EVA1A: variants seen among roughly 807,000 people sequenced by gnomAD.
EVA1A encodes protein eva-1 homolog A.
In EVA1A, 7 loss-of-function variants were observed where a neutral mutation model predicts 9.8. The observed-to-expected ratio is 0.71, with a 90% CI of 0.41 to 1.34. The LOEUF is 1.34. Among genes scored for constraint, EVA1A ranks in the 40% most tolerant of loss-of-function variants. The pLI, the probability that EVA1A is intolerant of heterozygous loss-of-function variation, is 0.01. For synonymous variants in EVA1A, 90 were observed against 85.6 expected, an observed-to-expected ratio of 1.05 and a Z score of -0.28; for missense variants, 206 against 205.9, an observed-to-expected ratio of 1.00 and a Z score of 0.00.
chr2:75,527,457 A>G (rs1346317970), intron 1 of EVA1A, among the ~76,000 whole-genome samples: 1 of 152,194 alleles, frequency 6.6e-6, no homozygotes, highest in Admixed American at 6.5e-5. Flanking sequence ...GAGGCAGCCT[A>G]GTCAGGACTC....
At chr2:75,548,561 T>G (rs1676409959) in intron 1 of EVA1A, among the ~76,000 whole-genome samples, 1 of 152,168 alleles carries the variant, frequency 6.6e-6, no homozygotes, top group African/African-American at 2.4e-5. Context: ...TTTCACATAT[T>G]CTTTAAGATT....
Position 75,518,160 on chromosome 2 carries a change from T to A in EVA1A, c.-20A>T, listed in dbSNP as rs772644493. ...CCTCATGGGACATCCAGAGGGGACC[T>A]CCTGGAGGTGCTTGGCTGAATCAAC... On this transcript the variant is annotated 5_prime_UTR_variant, in exon 3 of 4. Coordinates refer to ENST00000393913, the MANE Select transcript of EVA1A (RefSeq NM_001135032.2). 1.2e-6 allele frequency: 2 copies of A among 1,610,984 alleles called. No individual in the cohort carries two copies. Among genetic ancestry groups the A allele is most frequent in the African/African-American group, 2.7e-5 (2 of 74,724 alleles).
intron 1 of EVA1A, among the ~76,000 whole-genome samples, chr2:75,548,277 C>T (rs1373885636): frequency 6.6e-6 from 1 of 152,210 alleles, no homozygotes; most frequent in Admixed American, 6.5e-5. Flanking sequence ...GAATTACAGG[C>T]TCACATCACC....
chr2:75,547,279 G>A (rs890132589), intron 1 of EVA1A, among the ~76,000 whole-genome samples: 7 of 152,290 alleles, frequency 4.6e-5, no homozygotes, highest in Non-Finnish European at 8.8e-5. Flanking sequence ...GCCACCCACC[G>A]GGTGAGGAGA....
intron 3 of EVA1A, among the ~76,000 whole-genome samples, chr2:75,503,947 T>A (rs1365728285): frequency 6.6e-6 from 1 of 152,148 alleles, no homozygotes; most frequent in African/African-American, 2.4e-5. Flanking sequence ...ACACATTATA[T>A]ACATGTAACA....
chr2:75,516,444 T>C (rs1052025342), intron 3 of EVA1A, among the ~76,000 whole-genome samples: 1 of 152,134 alleles, frequency 6.6e-6, no homozygotes, highest in South Asian at 2.1e-4. Flanking sequence ...TCCCAAGTAG[T>C]ATTTAATTCA....
intron 3 of EVA1A, among the ~76,000 whole-genome samples, chr2:75,497,987 G>A (rs1268374422): frequency 6.6e-6 from 1 of 151,626 alleles, no homozygotes; most frequent in Non-Finnish European, 1.5e-5. Context: ...TATATCTAAA[G>A]GAAAATAAAT....
chr2:75,558,136 G>T (rs963439824), intron 1 of EVA1A, among the ~76,000 whole-genome samples: 3 of 152,180 alleles, frequency 2.0e-5, no homozygotes, highest in Non-Finnish European at 4.4e-5. Flanking sequence ...TAACTGTAAA[G>T]GACATTATAG....
intron 1 of EVA1A, among the ~76,000 whole-genome samples, chr2:75,549,229 C>T (rs1027625894): frequency 1.3e-5 from 2 of 151,942 alleles, no homozygotes; most frequent in Non-Finnish European, 2.9e-5. Context: ...CAGTGTGGAA[C>T]ATGTACATAG....
intron 1 of EVA1A, among the ~76,000 whole-genome samples, chr2:75,569,322 C>T (rs1253873406): frequency 3.3e-5 from 5 of 152,132 alleles, no homozygotes; most frequent in Admixed American, 2.0e-4. Flanking sequence ...GTCCCCAACA[C>T]GCCACTGAAA....
intron 1 of EVA1A, among the ~76,000 whole-genome samples, chr2:75,559,697 T>TCG (rs1553422509): frequency 1.3e-5 from 1 of 78,802 alleles, no homozygotes; most frequent in Admixed American, 1.3e-4. Flanking sequence ...AGAAAGGAGG[T>TCG]GGGGGGGGGG....
chr2:75,540,360 C>G (rs1423776021), intron 1 of EVA1A, among the ~76,000 whole-genome samples: 2 of 152,214 alleles, frequency 1.3e-5, no homozygotes, highest in Non-Finnish European at 2.9e-5. Flanking sequence ...GAAGCACAAG[C>G]TGGGGCTCAT....
intron 3 of EVA1A, among the ~76,000 whole-genome samples, chr2:75,504,994 C>T (rs1465270712): frequency 6.6e-6 from 1 of 152,164 alleles, no homozygotes; most frequent in Non-Finnish European, 1.5e-5. Flanking sequence ...CATTTCATCC[C>T]CTTCCACAGG....
chr2:75,538,720 T>C (rs959098374), intron 1 of EVA1A, among the ~76,000 whole-genome samples: 15 of 152,238 alleles, frequency 9.9e-5, no homozygotes, highest in Non-Finnish European at 2.9e-5. Flanking sequence ...AGGATTATTC[T>C]GAATTTAAAA....
intron 3 of EVA1A, 56 bp from the exon 4 acceptor site, chr2:75,493,665 A>C: frequency 6.7e-7 from 1 of 1,482,768 alleles, no homozygotes; most frequent in Non-Finnish European, 9.0e-7. Flanking sequence ...CCATATGCAG[A>C]GATCCAATAT....
At chr2:75,516,047 C>T (rs1306821149) in intron 3 of EVA1A, among the ~76,000 whole-genome samples, 1 of 152,222 alleles carries the variant, frequency 6.6e-6, no homozygotes, top group Non-Finnish European at 1.5e-5. Flanking sequence ...GCAACAGATG[C>T]ACTGGGAGAA....
Position 75,493,308 on chromosome 2 carries a change from G to A in EVA1A, c.387C>T (p.Arg129=), listed in dbSNP as rs757578952. 7.4e-6 allele frequency: 12 copies of A among 1,613,968 alleles called. No individual in the cohort carries two copies. The highest frequency in any genetic ancestry group is 2.2e-5 in the East Asian group (1 of 44,872). The change falls in exon 4 of 4, where the codon CGC becomes CGT. Residue 129 remains arginine (R), a synonymous_variant. Coordinates refer to ENST00000393913, the MANE Select transcript of EVA1A (RefSeq NM_001135032.2). ...ERAQRLEERE[R]IIREIWMNGQ... ...CATTCATCCAGATCTCCCTGATGATGCGCTCGCGCTCCTCCAGCCGCTGGG... is the reference window on the plus strand; with the variant it reads ...CATTCATCCAGATCTCCCTGATGATACGCTCGCGCTCCTCCAGCCGCTGGG...
rs145006005 is a variant in EVA1A at position 75,494,063 on chromosome 2, C to T, written c.86-454G>A. On this transcript the variant is annotated intron_variant, in intron 3 of 3. Coordinates refer to ENST00000393913, the MANE Select transcript of EVA1A (RefSeq NM_001135032.2). ...AGACAGCTTCTGAGATGAACCCCAT[C>T]TCCTAGTATTCACACGCTTGTGCAA... 4.5e-3 allele frequency among the ~76,000 whole-genome samples: 688 copies of T among 152,318 alleles called. 38 individuals are homozygous for T. The highest frequency in any genetic ancestry group is 0.04 in the Admixed American group (619 of 15,302).
At chr2:75,498,991 T>C (rs955808914) in intron 3 of EVA1A, among the ~76,000 whole-genome samples, 2 of 152,208 alleles carry the variant, frequency 1.3e-5, no homozygotes, top group East Asian at 1.9e-4. Context: ...TGTGATTTGC[T>C]CATGTCTGCC....
Sources: gnomAD v4.1 joint callset for allele counts (sites outside exome capture counted in the v4.1 genomes callset) on GRCh38, gnomAD v4.1.1 for gene constraint, MANE v1.5 for transcripts, NCBI Gene and HGNC (gene_info 2026-07-23, HGNC 2026-07-21) for gene names.